ACTL8: variants seen among roughly 807,000 people sequenced by gnomAD.
ACTL8 encodes the protein actin-like protein 8.
In ACTL8, 3 loss-of-function variants were observed where a neutral mutation model predicts 9.3. That is an observed-to-expected ratio of 0.32 (90% CI 0.15 to 0.83). The LOEUF (loss-of-function observed/expected upper bound fraction) is 0.83. Among genes scored for constraint, ACTL8 ranks in the 40% least tolerant of loss-of-function variants. The pLI is 0.57. For missense variants in ACTL8, 381 were observed against 492.2 expected (o/e 0.77, Z 2.14); for synonymous variants, 224 against 205.9 (o/e 1.09, Z -0.75).
intron 1 of ACTL8, among the ~76,000 whole-genome samples, chr1:17,779,744 G>A (rs1018160384): frequency 3.3e-5 from 5 of 152,100 alleles, no homozygotes; most frequent in Admixed American, 6.5e-5. Context: ...CAGACGTCCC[G>A]CTGCTTTTTA....
intron 1 of ACTL8, among the ~76,000 whole-genome samples, chr1:17,765,989 G>A (rs1420223681): frequency 6.6e-6 from 1 of 152,188 alleles, no homozygotes; most frequent in Admixed American, 6.5e-5. Context: ...CTGCCCTCCT[G>A]CAGAGTAATT....
chr1:17,808,613 A>G (rs1407102350), intron 1 of ACTL8, among the ~76,000 whole-genome samples: 2 of 152,208 alleles, frequency 1.3e-5, no homozygotes, highest in Non-Finnish European at 2.9e-5. Flanking sequence ...CGGAGCAAAT[A>G]AGAGAGATAC....
intron 1 of ACTL8, among the ~76,000 whole-genome samples, chr1:17,820,838 A>C (rs2053653937): frequency 6.6e-6 from 1 of 152,084 alleles, no homozygotes; most frequent in African/African-American, 2.4e-5. Flanking sequence ...TGGCCTCCCA[A>C]AGTATGCTGA....
At position 17,823,731 on chromosome 1, in the gene ACTL8, AAAAC is replaced by A. The variant is rs888994079; in HGVS notation, c.348+387_348+390del. Among the ~76,000 whole-genome samples, 17 of 152,112 alleles carry A rather than the reference AAAAC, an allele frequency of 1.1e-4. No homozygotes were observed. The highest frequency in any genetic ancestry group is 1.9e-4 in the East Asian group (1 of 5,184). Reference sequence around the variant, plus strand: ...CAACAGAGCAAGGCCCTGTCTCAAAAAAACAAACAAACAAAAAAACCCAACAGAA... The same window carrying A: ...CAACAGAGCAAGGCCCTGTCTCAAAAAAACAAACAAAAAAACCCAACAGAA... On this transcript the variant is annotated intron_variant, in intron 2 of 2. Transcript: ENST00000375406. The surrounding 1 kb of genome is among the most constrained non-coding windows in gnomAD (Gnocchi z 5.3).
At chr1:17,774,638 G>A (rs960462685) in intron 1 of ACTL8, among the ~76,000 whole-genome samples, 11 of 152,120 alleles carry the variant, frequency 7.2e-5, no homozygotes, top group Non-Finnish European at 7.4e-5. Flanking sequence ...GGGTAGGCAT[G>A]TGCCTGGAGT....
chr1:17,777,547 G>T (rs2066126511), intron 1 of ACTL8, among the ~76,000 whole-genome samples: 1 of 152,180 alleles, frequency 6.6e-6, no homozygotes, highest in Non-Finnish European at 1.5e-5. Flanking sequence ...AACTCTGATA[G>T]ATTGGCCGTT....
At chr1:17,794,332 G>A (rs1265834501) in intron 1 of ACTL8, among the ~76,000 whole-genome samples, 1 of 152,168 alleles carries the variant, frequency 6.6e-6, no homozygotes, top group African/African-American at 2.4e-5. Flanking sequence ...TATAAAATGA[G>A]GAGGATGACT....
At chr1:17,778,822 A>T (rs908140997) in intron 1 of ACTL8, among the ~76,000 whole-genome samples, 3 of 152,086 alleles carry the variant, frequency 2.0e-5, no homozygotes, top group Non-Finnish European at 4.4e-5. Flanking sequence ...AGGGATGATG[A>T]GTCCTGGAGG....
At chr1:17,797,392 A>G (rs1280701576) in intron 1 of ACTL8, among the ~76,000 whole-genome samples, 2 of 152,090 alleles carry the variant, frequency 1.3e-5, no homozygotes, top group African/African-American at 4.8e-5. Context: ...CACCTCTTTG[A>G]AGTGCCTGGA....
chr1:17,768,865 G>A (rs2066064193), intron 1 of ACTL8, among the ~76,000 whole-genome samples: 2 of 152,152 alleles, frequency 1.3e-5, no homozygotes, highest in South Asian at 2.1e-4. Flanking sequence ...AGGCTGAGGA[G>A]TGTAGTCTTG....
intron 1 of ACTL8, among the ~76,000 whole-genome samples, chr1:17,761,564 C>T (rs1350363574): frequency 6.6e-6 from 1 of 151,976 alleles, no homozygotes; most frequent in South Asian, 2.1e-4. Context: ...GGTATGTGGG[C>T]CCAAACTTGT....
intron 1 of ACTL8, among the ~76,000 whole-genome samples, chr1:17,786,309 A>G (rs905054618): frequency 3.3e-5 from 5 of 152,208 alleles, no homozygotes; most frequent in Admixed American, 2.0e-4. Flanking sequence ...CCTCAAGGGG[A>G]GGGAATTATA....
intron 1 of ACTL8, among the ~76,000 whole-genome samples, chr1:17,800,192 T>C (rs921802318): frequency 3.9e-5 from 6 of 152,242 alleles, no homozygotes; most frequent in Admixed American, 2.0e-4. Flanking sequence ...GTGACTAATG[T>C]TAACATGACA....
intron 1 of ACTL8, among the ~76,000 whole-genome samples, chr1:17,802,118 A>G (rs1283793475): frequency 3.3e-5 from 5 of 152,214 alleles, no homozygotes; most frequent in Non-Finnish European, 5.9e-5. Context: ...GTGGGAATCT[A>G]TTGCAGGAGT....
intron 1 of ACTL8, among the ~76,000 whole-genome samples, chr1:17,761,399 C>T (rs1454655125): frequency 2.6e-5 from 4 of 152,022 alleles, no homozygotes; most frequent in East Asian, 1.9e-4. Context: ...TGAGCTGGGC[C>T]GCTTACAGGA....
intron 1 of ACTL8, among the ~76,000 whole-genome samples, chr1:17,768,662 C>G (rs1057226873): frequency 1.3e-5 from 2 of 152,108 alleles, no homozygotes; most frequent in African/African-American, 4.8e-5. Context: ...ACACAGTGAT[C>G]CGGCTGGGCC....
chr1:17,806,846 A>G (rs1381694005), intron 1 of ACTL8, among the ~76,000 whole-genome samples: 2 of 152,212 alleles, frequency 1.3e-5, no homozygotes, highest in Non-Finnish European at 2.9e-5. Flanking sequence ...AAATTACCAA[A>G]TGCAGTGGCC....
At chr1:17,768,735 A>G (rs2066063425) in intron 1 of ACTL8, among the ~76,000 whole-genome samples, 1 of 152,144 alleles carries the variant, frequency 6.6e-6, no homozygotes, top group Non-Finnish European at 1.5e-5. Context: ...AGTCAGGCTC[A>G]CTGCAGGGGC....
At chr1:17,766,427 C>T (rs113745789) in intron 1 of ACTL8, among the ~76,000 whole-genome samples, 1 of 152,188 alleles carries the variant, frequency 6.6e-6, no homozygotes, top group African/African-American at 2.4e-5. Flanking sequence ...TCCCATGTCA[C>T]ACACACTCGG....
Sources: allele counts gnomAD v4.1 joint callset (sites outside exome capture counted in the v4.1 genomes callset), GRCh38; gene constraint gnomAD v4.1.1; non-coding constraint Gnocchi (gnomAD v3.1); transcripts MANE v1.5; gene names NCBI Gene and HGNC (gene_info 2026-07-23, HGNC 2026-07-21).